DGKB: variants seen among roughly 807,000 people sequenced by gnomAD.
DGKB encodes the protein 90 kDa diacylglycerol kinase.
A neutral mutation model predicts 114.3 loss-of-function variants in DGKB; 67 were observed. The ratio of observed to expected loss-of-function variants is 0.59; its 90% confidence interval spans 0.48 to 0.72. The LOEUF (loss-of-function observed/expected upper bound fraction) is 0.72. Among genes scored for constraint, DGKB ranks in the 30% least tolerant of loss-of-function variants. DGKB has a pLI of 0.00. For synonymous variants in DGKB, 398 were observed against 323.1 expected (o/e 1.23, Z -2.49); for missense variants, 907 against 975.2 (o/e 0.93, Z 0.93).
At chr7:14,729,400 G>A (rs1229091515) in intron 5 of DGKB, among the ~76,000 whole-genome samples, 1 of 152,066 alleles carries the variant, frequency 6.6e-6, no homozygotes, top group African/African-American at 2.4e-5. Flanking sequence ...GGGATTACAG[G>A]CACGAGCCAT....
chr7:14,960,442 T>A (rs1786775856), intron 1 of DGKB, among the ~76,000 whole-genome samples: 1 of 152,036 alleles, frequency 6.6e-6, no homozygotes, highest in African/African-American at 2.4e-5. Flanking sequence ...CCTCTGACTT[T>A]ATTTTTTACT....
At chr7:14,886,975 T>C (rs1780383461) in intron 1 of DGKB, among the ~76,000 whole-genome samples, 1 of 151,956 alleles carries the variant, frequency 6.6e-6, no homozygotes, top group Non-Finnish European at 1.5e-5. Context: ...CTGCATTCTC[T>C]TTATTATCTC....
At chr7:14,971,676 C>T (rs1270913782) in intron 1 of DGKB, among the ~76,000 whole-genome samples, 1 of 151,686 alleles carries the variant, frequency 6.6e-6, no homozygotes, top group East Asian at 1.9e-4. Context: ...TGGAAAAATT[C>T]CTGGATAGAT....
At chr7:14,945,667 C>A (rs1467720034) in intron 1 of DGKB, among the ~76,000 whole-genome samples, 1 of 151,444 alleles carries the variant, frequency 6.6e-6, no homozygotes, top group Admixed American at 6.6e-5. Flanking sequence ...TAAACAGAGG[C>A]AACTAACAGA....
chr7:14,496,728 G>T (rs928450960), intron 20 of DGKB, among the ~76,000 whole-genome samples: 1 of 151,732 alleles, frequency 6.6e-6, no homozygotes, highest in South Asian at 2.1e-4. Context: ...TAAAGTTTTT[G>T]AAAACAGAAG....
intron 1 of DGKB, among the ~76,000 whole-genome samples, chr7:14,871,570 C>T (rs1411193826): frequency 6.6e-6 from 1 of 152,060 alleles, no homozygotes; most frequent in Non-Finnish European, 1.5e-5. Flanking sequence ...GCTAATACGC[C>T]TAGATACTTG....
At chr7:14,365,358 A>T (rs1411786752) in intron 21 of DGKB, among the ~76,000 whole-genome samples, 1 of 152,036 alleles carries the variant, frequency 6.6e-6, no homozygotes, top group African/African-American at 2.4e-5. Context: ...TCTCTCAGTA[A>T]TTATAATCCT....
intron 23 of DGKB, among the ~76,000 whole-genome samples, chr7:14,242,344 T>C (rs1793802914): frequency 1.3e-5 from 2 of 152,172 alleles, no homozygotes; most frequent in Admixed American, 1.3e-4. Context: ...TACATTGTCC[T>C]GAAAGTGACC....
chr7:14,895,694 A>C (rs565298651), intron 1 of DGKB, among the ~76,000 whole-genome samples: 1 of 151,744 alleles, frequency 6.6e-6, no homozygotes, highest in South Asian at 2.1e-4. Context: ...CAATGACTAA[A>C]GGATGAATAG....
At chr7:14,348,601 A>G (rs1812890311) in intron 21 of DGKB, among the ~76,000 whole-genome samples, 1 of 151,998 alleles carries the variant, frequency 6.6e-6, no homozygotes, top group Admixed American at 6.6e-5. Flanking sequence ...TAAAATTAAA[A>G]AAAGTAAAAA....
chr7:14,345,182 AGTAAGTCTCT>A (rs1201162904), intron 22 of DGKB, 109 bp downstream of exon 22: 2 of 585,934 alleles, frequency 3.4e-6, no homozygotes, highest in African/African-American at 4.0e-5. Context: ...TAAAATCTTG[AGTAAGTCTCT>A]GTGGATTGCT....
chr7:14,239,631 T>C (rs1793349571), intron 23 of DGKB, among the ~76,000 whole-genome samples: 1 of 152,032 alleles, frequency 6.6e-6, no homozygotes, highest in Non-Finnish European at 1.5e-5. Context: ...AATAACTTTG[T>C]TAAATGACAT....
intron 19 of DGKB, among the ~76,000 whole-genome samples, chr7:14,577,543 G>A (rs1043944502): frequency 6.6e-6 from 1 of 152,150 alleles, no homozygotes; most frequent in Admixed American, 6.5e-5. Context: ...CGTGAACCCG[G>A]GGGGCGGAGC....
At chr7:14,846,292 T>C (rs1848617972) in intron 1 of DGKB, among the ~76,000 whole-genome samples, 1 of 152,196 alleles carries the variant, frequency 6.6e-6, no homozygotes, top group African/African-American at 2.4e-5. Flanking sequence ...GTGTAAGCCA[T>C]TGGTTTCTCA....
intron 13 of DGKB, among the ~76,000 whole-genome samples, chr7:14,643,310 G>A (rs1163400482): frequency 2.0e-5 from 3 of 152,170 alleles, no homozygotes; most frequent in East Asian, 1.9e-4. Context: ...CACAGACCCC[G>A]AGCCTAGTGC....
chr7:14,777,387 T>C (rs561887447), intron 2 of DGKB, among the ~76,000 whole-genome samples: 2 of 152,244 alleles, frequency 1.3e-5, no homozygotes, highest in East Asian at 3.9e-4. Context: ...GGTTTGGCTA[T>C]GTCACCACCC....
chr7:14,466,420 C>T (rs1780481242), intron 21 of DGKB, among the ~76,000 whole-genome samples: 1 of 152,012 alleles, frequency 6.6e-6, no homozygotes, highest in Non-Finnish European at 1.5e-5. Context: ...AAGTTAAAGT[C>T]GATTTTAGTA....
chr7:14,277,634 C>T (rs1184328685), intron 23 of DGKB, among the ~76,000 whole-genome samples: 1 of 152,158 alleles, frequency 6.6e-6, no homozygotes, highest in East Asian at 1.9e-4. Flanking sequence ...TTATTGTATA[C>T]ATTTACAACA....
chr7:14,470,084 G>C (rs1781056071), intron 21 of DGKB, among the ~76,000 whole-genome samples: 1 of 151,686 alleles, frequency 6.6e-6, no homozygotes, highest in Non-Finnish European at 1.5e-5. Context: ...TTCTAAGTTA[G>C]AATGAAAAAT....
Sources: allele counts gnomAD v4.1 joint callset (sites outside exome capture counted in the v4.1 genomes callset), GRCh38; gene constraint gnomAD v4.1.1; transcripts MANE v1.5; gene names NCBI Gene and HGNC (gene_info 2026-07-23, HGNC 2026-07-21).